The following TUSC3 variants were observed in gnomAD, a reference collection of about 807,000 sequenced individuals.
TUSC3 encodes the protein dolichyl-diphosphooligosaccharide--protein glycosyltransferase subunit TUSC3.
A neutral mutation model predicts 44.8 loss-of-function variants in TUSC3; 45 were observed. The ratio of observed to expected loss-of-function variants is 1.00; its 90% CI spans 0.79 to 1.29. TUSC3 has a LOEUF of 1.29. Among genes scored for constraint, TUSC3 ranks in the 50% most tolerant of loss-of-function variants. The probability of loss-of-function intolerance (pLI) is 0.00; values close to 1 mark genes in which losing one functional copy is unlikely to be tolerated. For synonymous variants in TUSC3, 212 were observed against 152.9 expected, an observed-to-expected ratio of 1.39 and a Z score of -2.85; for missense variants, 519 against 437.9, an observed-to-expected ratio of 1.19 and a Z score of -1.65.
At chr8:15,449,424 G>C (rs913240397) in intron 1 of TUSC3, among the ~76,000 whole-genome samples, 1 of 152,220 alleles carries the variant, frequency 6.6e-6, no homozygotes, top group Middle Eastern at 3.4e-3. Flanking sequence ...CCTCCATAGA[G>C]TGGTCAGAAC....
chr8:15,435,480 CATT>C (rs892086375), intron 1 of TUSC3, among the ~76,000 whole-genome samples: 3 of 152,108 alleles, frequency 2.0e-5, no homozygotes, highest in African/African-American at 7.2e-5. Context: ...ATTTCAATAA[CATT>C]GATGATGCAT....
At chr8:15,843,593 C>CATAAGTATATATAT in the TUSC3 span, among the ~76,000 whole-genome samples, 3 of 91,110 alleles carry the variant, frequency 3.3e-5, no homozygotes, top group African/African-American at 1.6e-4. Flanking sequence ...ACTTGATGTA[C>CATAAGTATATATAT]ATATATATAT....
At chr8:15,673,019 TA>T (rs1475634812) in intron 5 of TUSC3, among the ~76,000 whole-genome samples, 3 of 152,070 alleles carry the variant, frequency 2.0e-5, no homozygotes, top group Admixed American at 6.6e-5. Context: ...TCATTAACTT[TA>T]AAATATTTTG....
At chr8:15,758,132 T>G (rs1812009196) in intron 10 of TUSC3, 1 of 1,155,724 alleles carries the variant, frequency 8.7e-7, no homozygotes, top group Non-Finnish European at 1.1e-6. Context: ...CTTTCTTAAC[T>G]TCTGTTTGTT....
At chr8:15,545,762 C>T (rs1801842413) in intron 1 of TUSC3, among the ~76,000 whole-genome samples, 1 of 151,360 alleles carries the variant, frequency 6.6e-6, no homozygotes, top group African/African-American at 2.4e-5. Context: ...AACTCTTAAC[C>T]TTTTGCTGCA....
rs144773618 is a variant in TUSC3, at chr8:15,593,420, C to G, written c.139-29660C>G. Among the ~76,000 whole-genome samples the G allele has an allele frequency of 1.3e-3, 205 of 152,298 alleles. 2 individuals carry two copies. The highest frequency in any genetic ancestry group is 4.7e-3 in the African/African-American group (197 of 41,570). ...GTGTGCTTTTAAACAATGTTTATCACTTACTAAAATAATATGGCCTGTGTT... is the reference window on the plus strand; with the variant it reads ...GTGTGCTTTTAAACAATGTTTATCAGTTACTAAAATAATATGGCCTGTGTT... On this transcript the variant is annotated intron_variant, in intron 1 of 10. Transcript: ENST00000503731.
intron 5 of TUSC3, among the ~76,000 whole-genome samples, chr8:15,673,042 A>T (rs1400803041): frequency 6.6e-6 from 1 of 152,058 alleles, no homozygotes; most frequent in Non-Finnish European, 1.5e-5. Flanking sequence ...GATTTAAACA[A>T]AACATGCTGA....
rs34446791 is a variant in TUSC3, at chr8:15,641,361, C to CAAA, written c.309-9320_309-9318dup. The stretch of plus-strand genomic sequence containing the variant: ...GGCGACAGAGAGAGAGACTCCGTCT[C>CAAA]AAAAAAAAAAAAAAAAAAGAAAAGT... On this transcript the variant is annotated intron_variant, in intron 2 of 10. Coordinates refer to ENST00000503731, the MANE Select transcript of TUSC3 (RefSeq NM_006765.4). Among the ~76,000 whole-genome samples, 578 of 99,382 alleles carry CAAA rather than the reference C, an allele frequency of 5.8e-3. 13 individuals are homozygous for CAAA. Among genetic ancestry groups the CAAA allele is most frequent in the African/African-American group, 0.02 (524 of 25,870 alleles). 65.2% of individuals were successfully genotyped at this position (99,382 alleles called of 152,430 possible). A position where few individuals can be genotyped will look rare whatever the true frequency, so the allele number is the denominator to read the frequency against.
At chr8:15,738,827 C>CTTTTTTTTTTTTTTTTTTTTTT (rs375655033) in intron 7 of TUSC3, among the ~76,000 whole-genome samples, 1 of 87,170 alleles carries the variant, frequency 1.1e-5, no homozygotes, top group African/African-American at 4.9e-5. Flanking sequence ...ATATATCTTG[C>CTTTTTTTTTTTTTTTTTTTTTT]TTTTTTTTTT....
intron 1 of TUSC3, among the ~76,000 whole-genome samples, chr8:15,552,523 A>C (rs138915154): frequency 6.6e-6 from 1 of 151,766 alleles, no homozygotes; most frequent in Non-Finnish European, 1.5e-5. Context: ...TAAAGAGCTA[A>C]TCATAGGAAA....
chr8:15,662,788 G>T (rs1248986697), intron 5 of TUSC3, among the ~76,000 whole-genome samples: 1 of 151,978 alleles, frequency 6.6e-6, no homozygotes, highest in Non-Finnish European at 1.5e-5. Context: ...GGAGTGTAAG[G>T]TTATGTGTGC....
At chr8:15,458,336 T>G (rs1282469226) in intron 1 of TUSC3, among the ~76,000 whole-genome samples, 1 of 152,112 alleles carries the variant, frequency 6.6e-6, no homozygotes, top group African/African-American at 2.4e-5. Flanking sequence ...CCTCTCAGGC[T>G]CAAACAATCC....
chr8:15,759,297 A>G (rs352801), intron 10 of TUSC3, among the ~76,000 whole-genome samples: 58,934 of 151,732 alleles, frequency 0.39, 12,441 homozygotes, highest in Non-Finnish European at 0.48. Context: ...TTATGTAACC[A>G]CTGGGTCTTC....
At chr8:15,670,419 C>T (rs924989588) in intron 5 of TUSC3, among the ~76,000 whole-genome samples, 2 of 151,888 alleles carry the variant, frequency 1.3e-5, no homozygotes, top group Admixed American at 6.6e-5. Context: ...TGATTTGTAA[C>T]GAAAGTGGCC....
chr8:15,447,418 GAC>G (rs1800121136), intron 1 of TUSC3, among the ~76,000 whole-genome samples: 1 of 152,060 alleles, frequency 6.6e-6, no homozygotes, highest in African/African-American at 2.4e-5. Flanking sequence ...GGAGATTAAA[GAC>G]ACAAGTTTAA....
At chr8:15,475,267 T>C (rs1800560073) in intron 1 of TUSC3, among the ~76,000 whole-genome samples, 2 of 152,204 alleles carry the variant, frequency 1.3e-5, no homozygotes, top group Non-Finnish European at 2.9e-5. Flanking sequence ...CCTGAAGTTA[T>C]AGAAGTGGCA....
the TUSC3 span, among the ~76,000 whole-genome samples, chr8:15,829,863 A>T: frequency 6.6e-6 from 1 of 152,116 alleles, no homozygotes; most frequent in African/African-American, 2.4e-5. Context: ...TTCTTTGAGA[A>T]ATCTCAATAT....
At chr8:15,447,208 C>G (rs1178699970) in intron 1 of TUSC3, among the ~76,000 whole-genome samples, 1 of 151,828 alleles carries the variant, frequency 6.6e-6, no homozygotes, top group African/African-American at 2.4e-5. Flanking sequence ...TCCAAAAATC[C>G]CAGAAACAAC....
intron 1 of TUSC3, among the ~76,000 whole-genome samples, chr8:15,457,869 TA>T (rs1208574728): frequency 6.5e-5 from 3 of 46,038 alleles, no homozygotes; most frequent in South Asian, 4.4e-4. Context: ...TCTAATAAAT[TA>T]ATTAGATAAT....
Sources: allele counts gnomAD v4.1 joint callset (sites outside exome capture counted in the v4.1 genomes callset), GRCh38; gene constraint gnomAD v4.1.1; transcripts MANE v1.5; gene names NCBI Gene and HGNC (gene_info 2026-07-23, HGNC 2026-07-21).